Variants in GATA3 observed in about 807,000 individuals in gnomAD.
GATA3 encodes the protein trans-acting T-cell-specific transcription factor GATA-3.
In GATA3, 6 loss-of-function variants were observed where a neutral mutation model predicts 36.0. The observed-to-expected ratio is 0.17, with a 90% CI of 0.09 to 0.33. The LOEUF (loss-of-function observed/expected upper bound fraction) is 0.33, where lower values mean the gene tolerates loss of function less well. Among genes scored for constraint, GATA3 ranks in the 10% least tolerant of loss-of-function variants. GATA3 has a pLI of 1.00. For missense variants in GATA3, 514 were observed against 610.1 expected (o/e 0.84, Z 1.66); for synonymous variants, 326 against 273.0 (o/e 1.19, Z -1.92).
At chr10:8,050,031 C>G (rs1449963933), upstream of GATA3, among the ~76,000 whole-genome samples, 7 of 152,208 alleles carry the variant, frequency 4.6e-5, no homozygotes, top group Non-Finnish European at 8.8e-5. Context: ...CGGCCCTGGC[C>G]TGGCTCAGGT....
At chr10:8,067,036 T>TA (rs147109616) in intron 4 of GATA3, among the ~76,000 whole-genome samples, 4,008 of 145,662 alleles carry the variant, frequency 0.028, 52 homozygotes, top group Middle Eastern at 0.045. Flanking sequence ...GTAGCTCTTC[T>TA]AAAAAAAAAA....
chr10:8,066,739 T>C (rs1832850029), intron 4 of GATA3, among the ~76,000 whole-genome samples: 1 of 152,222 alleles, frequency 6.6e-6, no homozygotes, highest in Non-Finnish European at 1.5e-5. Context: ...ATCTCACCAC[T>C]AGTGAGAGGC....
At position 8,075,015 on chromosome 10, in the gene GATA3, A is replaced by T. The variant is rs188497571; in HGVS notation, c.*992A>T. On this transcript the variant is annotated 3_prime_UTR_variant, in exon 6 of 6. Transcript: ENST00000379328. Reference sequence around the variant, plus strand: ...GTCCCTATTCCTGCAGCCTGTGCTGAGGGTAGCAGTGTATGAGCTACCAGC... The same window carrying T: ...GTCCCTATTCCTGCAGCCTGTGCTGTGGGTAGCAGTGTATGAGCTACCAGC... 1.0e-3 allele frequency: 235 copies of T among 233,112 alleles called. 1 individual carries two copies. The highest frequency in any genetic ancestry group is 4.9e-3 in the African/African-American group (223 of 45,446). The allele number at this position is 233,112 out of a possible 1,614,324, so 14.4% of individuals were successfully genotyped here.
At position 8,058,793 on chromosome 10, in the gene GATA3, C is replaced by G. The variant is rs140982061; in HGVS notation, c.730C>G (p.Pro244Ala). The G allele has an allele frequency of 9.9e-6, 16 of 1,608,588 alleles. No individual in the cohort carries two copies. The African/African-American group carries it at 2.0e-4, about 20-fold the overall frequency. The part of the protein sequence containing the change: ...FPPSSLLGGS[P>A]TGFGCKSRPK... ...CCCCAGCAGCCTGCTGGGCGGCTCCCCCACCGGCTTCGGATGCAAGTCCAG... is the reference window on the plus strand; with the variant it reads ...CCCCAGCAGCCTGCTGGGCGGCTCCGCCACCGGCTTCGGATGCAAGTCCAG... The change falls in exon 3 of 6, where the codon CCC (proline) becomes GCC (alanine). Residue 244 changes from proline (P) to alanine (A), a missense_variant. By Grantham distance (27) the Pro-to-Ala change is conservative (BLOSUM62 -1). Around this residue, in one of 3 missense-constraint regions of GATA3, gnomAD observed 381 missense variants for 354.3 expected, o/e 1.08. Transcript: ENST00000379328.
chr10:8,061,225 C>T (rs1305979934), intron 3 of GATA3, among the ~76,000 whole-genome samples: 1 of 152,156 alleles, frequency 6.6e-6, no homozygotes, highest in Non-Finnish European at 1.5e-5. Flanking sequence ...AACGCCTGGG[C>T]TTTCGGGGCT....
upstream of GATA3, chr10:8,054,684 C>T (rs1004729591): frequency 2.0e-5 from 3 of 151,124 alleles, no homozygotes; most frequent in African/African-American, 7.3e-5. This position sits in a 1 kb window ranked among gnomAD's most constrained non-coding sequence, Gnocchi z 4.2. Flanking sequence ...CCACAGCTGT[C>T]TGCGAACACT....
At chr10:8,060,604 G>A (rs191066332) in intron 3 of GATA3, among the ~76,000 whole-genome samples, 48 of 152,022 alleles carry the variant, frequency 3.2e-4, no homozygotes, top group Admixed American at 2.7e-3. Flanking sequence ...ATCTGAGGCC[G>A]GCGTAGTGGT....
At chr10:8,056,238 G>A (rs1229834263) in intron 2 of GATA3, among the ~76,000 whole-genome samples, 1 of 152,146 alleles carries the variant, frequency 6.6e-6, no homozygotes, top group African/African-American at 2.4e-5. Context: ...GGGTGCCCTG[G>A]CTCTGCCTCC....
chr10:8,073,289 T>C, intron 5 of GATA3, among the ~76,000 whole-genome samples: 1 of 151,400 alleles, frequency 6.6e-6, no homozygotes. Context: ...CGAAAGTTAC[T>C]CAGTAGAACA....
rs775665403 is a variant in GATA3 at position 8,074,996 on chromosome 10, AT to A, written c.*975del. The A allele has an allele frequency of 3.0e-4, 71 of 233,242 alleles. No individual in the cohort carries two copies. Among genetic ancestry groups the A allele is most frequent in the Non-Finnish European group, 5.1e-4 (60 of 118,012 alleles). 14.4% of individuals were successfully genotyped at this position (233,242 alleles called of 1,614,324 possible). A position where few individuals can be genotyped will look rare whatever the true frequency, so the allele number is the denominator to read the frequency against. On this transcript the variant is annotated 3_prime_UTR_variant, in exon 6 of 6. Coordinates refer to ENST00000379328, the MANE Select transcript of GATA3 (RefSeq NM_001002295.2). The stretch of plus-strand genomic sequence containing the variant: ...GTCCGGCGGCATCTGTCTTGTCCCT[AT>A]TCCTGCAGCCTGTGCTGAGGGTAGC...
At chr10:8,060,624 G>A (rs1413984024) in intron 3 of GATA3, among the ~76,000 whole-genome samples, 1 of 151,992 alleles carries the variant, frequency 6.6e-6, no homozygotes, top group Non-Finnish European at 1.5e-5. Context: ...TTTGTGCGGG[G>A]GGAGGGGACA....
chr10:8,067,509 A>T (rs1832861126), intron 4 of GATA3, among the ~76,000 whole-genome samples: 1 of 152,136 alleles, frequency 6.6e-6, no homozygotes, highest in Non-Finnish European at 1.5e-5. Context: ...TTGATAAAAT[A>T]TTGATATAAA....
Position 8,074,769 on chromosome 10 carries a change from C to T in GATA3, c.*746C>T, listed in dbSNP as rs545858251. On this transcript the variant is annotated 3_prime_UTR_variant, in exon 6 of 6. Coordinates refer to ENST00000379328, the MANE Select transcript of GATA3 (RefSeq NM_001002295.2). The stretch of plus-strand genomic sequence containing the variant: ...ATTTATTTCATCATATTATACAGAC[C>T]GAACTGTTGTATAAATTTATTTACT... 8 of 233,606 alleles carry T rather than the reference C, an allele frequency of 3.4e-5. No individual in the cohort carries two copies. In the South Asian group the frequency reaches 7.2e-4, roughly 21 times the overall value. The allele number at this position is 233,606 out of a possible 1,614,324, so 14.5% of individuals were successfully genotyped here.
Position 8,058,296 on chromosome 10 carries a change from G to C in GATA3, c.242-9G>C. ...TTCTCTCTCCTGCCCTTTCCCCGTT[G>C]CCCCACAGGGAGCCAGGTGTGCCGC... On this transcript the variant is annotated splice_polypyrimidine_tract_variant and intron_variant, in intron 2 of 5. Coordinates refer to ENST00000379328, the MANE Select transcript of GATA3 (RefSeq NM_001002295.2). 6.2e-7 allele frequency: 1 copy of C among 1,613,446 alleles called. No homozygotes were observed. Among genetic ancestry groups the C allele is most frequent in the Non-Finnish European group, 8.5e-7 (1 of 1,179,962 alleles).
rs750618904 is a variant in GATA3 at position 8,058,768 on chromosome 10, C to G, written c.705C>G (p.Pro235=). The part of the protein sequence containing the change: ...YVPEYSSGLF[P]PSSLLGGSPT... ...CCGAGTACAGCTCCGGACTCTTCCC[C>G]CCCAGCAGCCTGCTGGGCGGCTCCC... The change falls in exon 3 of 6, where the codon CCC becomes CCG. Residue 235 remains proline, a synonymous_variant. Coordinates refer to ENST00000379328, the MANE Select transcript of GATA3 (RefSeq NM_001002295.2). The G allele has an allele frequency of 1.2e-6, 2 of 1,610,682 alleles. No homozygotes were observed. Among genetic ancestry groups the G allele is most frequent in the Non-Finnish European group, 8.5e-7 (1 of 1,179,604 alleles).
intron 4 of GATA3, among the ~76,000 whole-genome samples, chr10:8,065,980 AAG>A (rs1212543564): frequency 2.2e-4 from 23 of 104,256 alleles, no homozygotes; most frequent in South Asian, 3.4e-4. Flanking sequence ...AAAAAAAAAA[AAG>A]AGAGAGAGAG....
chr10:8,063,693 G>T (rs1388706352), intron 3 of GATA3, among the ~76,000 whole-genome samples: 2 of 152,012 alleles, frequency 1.3e-5, no homozygotes, highest in Non-Finnish European at 2.9e-5. Flanking sequence ...ATTCCTCCTT[G>T]GTCCTGCCCG....
At chr10:8,066,021 A>G (rs1194547836) in intron 4 of GATA3, among the ~76,000 whole-genome samples, 4 of 149,856 alleles carry the variant, frequency 2.7e-5, no homozygotes, top group African/African-American at 7.3e-5. Context: ...ACAAACAAAA[A>G]CCTTCTTGTT....
chr10:8,047,629 G>A (rs901894886), intron 1 of GATA3, among the ~76,000 whole-genome samples: 2 of 152,246 alleles, frequency 1.3e-5, no homozygotes, highest in African/African-American at 4.8e-5. Flanking sequence ...GGGTGCGGCA[G>A]CGGGCAAGAA....
Sources: gnomAD v4.1 joint callset for allele counts (sites outside exome capture counted in the v4.1 genomes callset) on GRCh38, gnomAD v4.1.1 for gene constraint, gnomAD v4.1.1 regional missense constraint, Gnocchi (gnomAD v3.1) non-coding constraint, MANE v1.5 for transcripts, NCBI Gene and HGNC (gene_info 2026-07-23, HGNC 2026-07-21) for gene names.